The following CFAP299 variants were observed in gnomAD, a reference collection of about 807,000 sequenced individuals.
The protein encoded by CFAP299 is cilia and flagella associated protein 299.
In CFAP299, 21 loss-of-function variants were observed where a neutral mutation model predicts 27.0. The ratio of observed to expected loss-of-function variants is 0.78; its 90% CI spans 0.55 to 1.12. The LOEUF (loss-of-function observed/expected upper bound fraction) is 1.12. Ranked by LOEUF, CFAP299 falls within the 50% of genes most tolerant of loss-of-function variation. The pLI, the probability that CFAP299 is intolerant of heterozygous loss-of-function variation, is 0.00. For synonymous variants in CFAP299, 104 were observed against 98.1 expected, an observed-to-expected ratio of 1.06 and a Z score of -0.36; for missense variants, 310 against 276.6, an observed-to-expected ratio of 1.12 and a Z score of -0.86.
chr4:80,464,185 A>AAG (rs1164001763), intron 2 of CFAP299, among the ~76,000 whole-genome samples: 1 of 152,182 alleles, frequency 6.6e-6, no homozygotes, highest in African/African-American at 2.4e-5. Flanking sequence ...AAAAATGTGG[A>AAG]AGTTTGCTAG....
At chr4:80,576,973 ACT>A (rs1406368681) in intron 2 of CFAP299, among the ~76,000 whole-genome samples, 1 of 152,102 alleles carries the variant, frequency 6.6e-6, no homozygotes, top group African/African-American at 2.4e-5. Context: ...AGACCAGCCG[ACT>A]CTGATTACTC....
chr4:80,478,462 C>A (rs541281104), intron 2 of CFAP299, among the ~76,000 whole-genome samples: 1 of 152,084 alleles, frequency 6.6e-6, no homozygotes, highest in Non-Finnish European at 1.5e-5. Flanking sequence ...GCAGTTAAAG[C>A]AGTTAATGAA....
chr4:80,889,267 T>C (rs1287209225), intron 4 of CFAP299, among the ~76,000 whole-genome samples: 4 of 151,348 alleles, frequency 2.6e-5, no homozygotes, highest in Admixed American at 6.6e-5. Context: ...AAGCCTCAAA[T>C]AAATAAAATC....
chr4:80,712,558 G>T (rs1464614046), intron 3 of CFAP299, among the ~76,000 whole-genome samples: 5 of 152,118 alleles, frequency 3.3e-5, no homozygotes, highest in Admixed American at 3.3e-4. Flanking sequence ...GTCAACAATG[G>T]TGACTAACTG....
chr4:80,343,533 T>A (rs1259694636), intron 1 of CFAP299, among the ~76,000 whole-genome samples: 1 of 152,180 alleles, frequency 6.6e-6, no homozygotes, highest in African/African-American at 2.4e-5. Flanking sequence ...CTCACGCCTG[T>A]AATCCCAGCA....
At chr4:80,946,596 G>A (rs1737491004) in intron 5 of CFAP299, among the ~76,000 whole-genome samples, 1 of 152,194 alleles carries the variant, frequency 6.6e-6, no homozygotes, top group African/African-American at 2.4e-5. Flanking sequence ...AGGGAGAAGA[G>A]AGGTTTAAGT....
intron 3 of CFAP299, among the ~76,000 whole-genome samples, chr4:80,704,414 A>T (rs1721700947): frequency 6.6e-6 from 1 of 151,640 alleles, no homozygotes. Context: ...CACAGGAAAT[A>T]AGATAGGTTG....
chr4:80,867,576 G>A (rs1281317421), intron 3 of CFAP299, among the ~76,000 whole-genome samples: 4 of 152,132 alleles, frequency 2.6e-5, no homozygotes, highest in African/African-American at 9.7e-5. Context: ...TAATTGAAGG[G>A]GTTGGCAGAT....
intron 2 of CFAP299, among the ~76,000 whole-genome samples, chr4:80,440,122 C>T (rs896304760): frequency 6.6e-5 from 10 of 152,172 alleles, no homozygotes; most frequent in African/African-American, 2.4e-4. Flanking sequence ...GCTGTGGGCA[C>T]AGCTTCAGCA....
chr4:80,916,259 A>ATATATATATATATATC, intron 4 of CFAP299, among the ~76,000 whole-genome samples: 1 of 56,742 alleles, frequency 1.8e-5, no homozygotes, highest in Non-Finnish European at 2.8e-5. Context: ...TGAAATATAT[A>ATATATATATATATATC]TATATATATA....
At chr4:80,478,430 GT>G (rs1730388753) in intron 2 of CFAP299, among the ~76,000 whole-genome samples, 1 of 151,704 alleles carries the variant, frequency 6.6e-6, no homozygotes, top group South Asian at 2.1e-4. Flanking sequence ...ATTCTTTTTT[GT>G]TTTGTGAGCA....
chr4:80,900,123 A>AGAGTGTGTGTGTGT (rs1553904499), intron 4 of CFAP299, among the ~76,000 whole-genome samples: 6 of 139,896 alleles, frequency 4.3e-5, no homozygotes, highest in African/African-American at 1.6e-4. Flanking sequence ...AGTGGAAGAA[A>AGAGTGTGTGTGTGT]GTGTGTGTGT....
chr4:80,908,386 TTTC>T (rs1486663921), intron 4 of CFAP299, among the ~76,000 whole-genome samples: 1 of 152,232 alleles, frequency 6.6e-6, no homozygotes, highest in African/African-American at 2.4e-5. Context: ...TTAAACATAT[TTTC>T]TTCTTACTTT....
At chr4:80,563,758 G>A (rs1735152123) in intron 2 of CFAP299, among the ~76,000 whole-genome samples, 2 of 151,874 alleles carry the variant, frequency 1.3e-5, no homozygotes, top group Non-Finnish European at 2.9e-5. Context: ...ATGAAACAAA[G>A]AGTTGGTTTT....
chr4:80,723,216 C>G (rs1210476187), intron 3 of CFAP299, among the ~76,000 whole-genome samples: 1 of 152,084 alleles, frequency 6.6e-6, no homozygotes, highest in Non-Finnish European at 1.5e-5. Flanking sequence ...AAACATACAC[C>G]TACCATATTA....
intron 4 of CFAP299, among the ~76,000 whole-genome samples, chr4:80,885,549 A>T (rs554739120): frequency 6.6e-6 from 1 of 152,258 alleles, no homozygotes; most frequent in East Asian, 1.9e-4. Context: ...GGATAGGGAA[A>T]CAGGCAGAGT....
intron 2 of CFAP299, among the ~76,000 whole-genome samples, chr4:80,469,868 A>T (rs1160714043): frequency 6.6e-6 from 1 of 151,866 alleles, no homozygotes; most frequent in African/African-American, 2.4e-5. Context: ...CTTTTTCTTT[A>T]AAAAAAATTA....
chr4:80,382,282 G>A (rs1447634022), intron 2 of CFAP299, among the ~76,000 whole-genome samples: 1 of 152,162 alleles, frequency 6.6e-6, no homozygotes. Context: ...CAATTGCAAT[G>A]TAAGCAAAAC....
chr4:80,350,159 A>G (rs1444370993), intron 1 of CFAP299, among the ~76,000 whole-genome samples: 3 of 152,170 alleles, frequency 2.0e-5, no homozygotes, highest in Admixed American at 6.5e-5. Context: ...ATGGAGTCCA[A>G]AATGAACAAA....
Sources: allele counts gnomAD v4.1 joint callset (sites outside exome capture counted in the v4.1 genomes callset), GRCh38; gene constraint gnomAD v4.1.1; transcripts MANE v1.5; gene names NCBI Gene and HGNC (gene_info 2026-07-23, HGNC 2026-07-21).